Variants in DOCK4 observed in about 807,000 individuals in gnomAD.
DOCK4 encodes dedicator of cytokinesis 4, also known as dedicator of cytokinesis protein 4.
DOCK4 carries 97 observed loss-of-function variants against 268.1 expected under a neutral mutation model. The ratio of observed to expected loss-of-function variants is 0.36; its 90% CI spans 0.31 to 0.43. The LOEUF is 0.43. DOCK4 is among the 20% of genes least tolerant of loss of function. The probability of loss-of-function intolerance (pLI) is 1.00; values close to 1 mark genes in which losing one functional copy is unlikely to be tolerated. For synonymous variants in DOCK4, 954 were observed against 887.2 expected (o/e 1.08, Z -1.34); for missense variants, 2,145 against 2,455.7 (o/e 0.87, Z 2.67).
intron 28 of DOCK4, among the ~76,000 whole-genome samples, chr7:111,811,442 G>A (rs1281275923): frequency 6.6e-6 from 1 of 152,134 alleles, no homozygotes; most frequent in African/African-American, 2.4e-5. Context: ...TAGATATACA[G>A]AGGGTTCTGC....
intron 26 of DOCK4, among the ~76,000 whole-genome samples, chr7:111,823,363 C>G (rs575412493): frequency 1.3e-5 from 2 of 151,762 alleles, no homozygotes; most frequent in Admixed American, 6.6e-5. Context: ...CCTGCCACCA[C>G]GTCCAGCTAA....
At chr7:112,201,649 G>A (rs370551977) in intron 1 of DOCK4, among the ~76,000 whole-genome samples, 202 of 152,184 alleles carry the variant, frequency 1.3e-3, no homozygotes, top group African/African-American at 4.3e-3. Context: ...ACTTTAAGGC[G>A]GGGTGGGGAG....
At chr7:112,064,043 T>C (rs957093466) in intron 1 of DOCK4, among the ~76,000 whole-genome samples, 3 of 152,168 alleles carry the variant, frequency 2.0e-5, no homozygotes, top group Non-Finnish European at 4.4e-5. Flanking sequence ...AGACGTGAGT[T>C]TTGATTTGGA....
intron 23 of DOCK4, among the ~76,000 whole-genome samples, chr7:111,850,047 C>G (rs1301588326): frequency 2.0e-5 from 3 of 152,130 alleles, no homozygotes; most frequent in African/African-American, 7.2e-5. Flanking sequence ...CATTGTATCT[C>G]TTCTTCCATT....
At chr7:112,116,371 T>A (rs1445466332) in intron 1 of DOCK4, among the ~76,000 whole-genome samples, 1 of 152,254 alleles carries the variant, frequency 6.6e-6, no homozygotes, top group Non-Finnish European at 1.5e-5. Context: ...TCAATAATAT[T>A]CTATTGTATA....
intron 42 of DOCK4, among the ~76,000 whole-genome samples, chr7:111,750,911 C>A (rs1300486165): frequency 6.6e-6 from 1 of 152,308 alleles, no homozygotes; most frequent in South Asian, 2.1e-4. Context: ...CAAACAAAAA[C>A]CCCTCCAGTC....
intron 2 of DOCK4, among the ~76,000 whole-genome samples, chr7:112,003,184 G>A (rs930240642): frequency 6.6e-6 from 1 of 151,930 alleles, no homozygotes; most frequent in Non-Finnish European, 1.5e-5. Context: ...AGTTTGAGAC[G>A]AGCATGGGCA....
intron 42 of DOCK4, among the ~76,000 whole-genome samples, chr7:111,752,249 A>C (rs1204227966): frequency 1.3e-5 from 2 of 152,188 alleles, no homozygotes; most frequent in Non-Finnish European, 2.9e-5. Context: ...TTATATCATT[A>C]TACATTTTCT....
At chr7:111,908,300 T>C (rs1205926899) in intron 13 of DOCK4, among the ~76,000 whole-genome samples, 1 of 151,710 alleles carries the variant, frequency 6.6e-6, no homozygotes, top group Admixed American at 6.6e-5. Flanking sequence ...TACAAAAAAT[T>C]AGCTGGGCAT....
chr7:111,802,550 C>A (rs1186504107), intron 30 of DOCK4, among the ~76,000 whole-genome samples: 1 of 152,138 alleles, frequency 6.6e-6, no homozygotes, highest in African/African-American at 2.4e-5. Context: ...TTCTCCCATG[C>A]CTGAGCTGGT....
At chr7:111,757,705 T>C (rs1797125164) in intron 41 of DOCK4, among the ~76,000 whole-genome samples, 1 of 152,108 alleles carries the variant, frequency 6.6e-6, no homozygotes, top group African/African-American at 2.4e-5. Context: ...TCCCTGGAAA[T>C]ACTTCGGGGA....
intron 13 of DOCK4, among the ~76,000 whole-genome samples, chr7:111,909,474 C>A (rs899583745): frequency 6.6e-6 from 1 of 152,192 alleles, no homozygotes; most frequent in Admixed American, 6.5e-5. Context: ...CACATGCACA[C>A]ATTTGTTTAT....
chr7:111,873,753 A>T (rs1201493046), intron 17 of DOCK4, among the ~76,000 whole-genome samples: 1 of 152,216 alleles, frequency 6.6e-6, no homozygotes, highest in Non-Finnish European at 1.5e-5. Context: ...AGCCAGATTC[A>T]AGAGAAAAAC....
At chr7:111,837,298 T>C (rs1226495001) in intron 25 of DOCK4, among the ~76,000 whole-genome samples, 2 of 151,966 alleles carry the variant, frequency 1.3e-5, no homozygotes, top group Non-Finnish European at 2.9e-5. Context: ...TTCCAAAATA[T>C]AAAATATAAA....
At chr7:111,763,082 T>C (rs9641471) in intron 39 of DOCK4, among the ~76,000 whole-genome samples, 142,213 of 151,784 alleles carry the variant, frequency 0.94, 66,740 homozygotes, top group Middle Eastern at 0.98. Flanking sequence ...AACCCGTTTT[T>C]CATGAGGGGA....
chr7:111,802,908 T>C (rs1223603115), intron 30 of DOCK4, among the ~76,000 whole-genome samples: 1 of 152,192 alleles, frequency 6.6e-6, no homozygotes, highest in East Asian at 1.9e-4. Context: ...CCTGAGACAT[T>C]GTTATCAGTC....
rs1791056052 is a variant in DOCK4, at chr7:111,900,570, G to A, written c.1318-34C>T. 1.9e-6 allele frequency: 3 copies of A among 1,585,530 alleles called. No individual in the cohort carries two copies. In the East Asian group the frequency reaches 6.8e-5, roughly 36 times the overall value. The stretch of plus-strand genomic sequence containing the variant: ...GGGAAGAACACACAGGTTAAAGAGA[G>A]CTTCATCTAAAGATCTTTTGAAAAG... On this transcript the variant is annotated intron_variant, in intron 14 of 52. Transcript: ENST00000428084.
chr7:111,892,334 G>A (rs1408317395), intron 16 of DOCK4, among the ~76,000 whole-genome samples: 1 of 152,148 alleles, frequency 6.6e-6, no homozygotes, highest in Non-Finnish European at 1.5e-5. Flanking sequence ...CCAAGTAGCT[G>A]GGATTACAGG....
At chr7:111,830,255 A>G (rs1342772606) in intron 26 of DOCK4, among the ~76,000 whole-genome samples, 2 of 151,986 alleles carry the variant, frequency 1.3e-5, no homozygotes, top group Non-Finnish European at 2.9e-5. Context: ...GTGAAACCTC[A>G]TCTCTACTAA....
Sources: gnomAD v4.1 joint callset for allele counts (sites outside exome capture counted in the v4.1 genomes callset) on GRCh38, gnomAD v4.1.1 for gene constraint, MANE v1.5 for transcripts, NCBI Gene and HGNC (gene_info 2026-07-23, HGNC 2026-07-21) for gene names.